The following RB1 variants were observed in gnomAD, a reference collection of about 807,000 sequenced individuals.
RB1 encodes retinoblastoma-associated protein.
A neutral mutation model predicts 135.4 loss-of-function variants in RB1; 18 were observed. The observed-to-expected ratio is 0.13, with a 90% CI of 0.09 to 0.20. The LOEUF (loss-of-function observed/expected upper bound fraction) is 0.20, where lower values mean the gene tolerates loss of function less well. RB1 is among the 10% of genes least tolerant of loss of function. The probability of loss-of-function intolerance (pLI) is 1.00; values close to 1 mark genes in which losing one functional copy is unlikely to be tolerated. For synonymous variants in RB1, 365 were observed against 373.2 expected (o/e 0.98, Z 0.25); for missense variants, 868 against 1,110.0 (o/e 0.78, Z 3.10).
chr13:48,391,774 A>G (rs1467410691), intron 17 of RB1, among the ~76,000 whole-genome samples: 2 of 152,024 alleles, frequency 1.3e-5, no homozygotes, highest in Non-Finnish European at 2.9e-5. Flanking sequence ...ACACGCCACC[A>G]TGCCTAGCTA....
chr13:48,432,427 G>C (rs1163990902), intron 17 of RB1, among the ~76,000 whole-genome samples: 5 of 136,684 alleles, frequency 3.7e-5, no homozygotes, highest in Admixed American at 7.2e-5. Context: ...TTGTTTTTTT[G>C]TTTTTTTTTT....
intron 20 of RB1, among the ~76,000 whole-genome samples, chr13:48,460,358 C>T (rs1216994724): frequency 6.6e-6 from 1 of 152,052 alleles, no homozygotes; most frequent in Non-Finnish European, 1.5e-5. Flanking sequence ...TTTTTGGCTA[C>T]CATTTACATT....
At chr13:48,423,585 G>C (rs771888395) in intron 17 of RB1, among the ~76,000 whole-genome samples, 1 of 152,100 alleles carries the variant, frequency 6.6e-6, no homozygotes, top group Non-Finnish European at 1.5e-5. Flanking sequence ...ATTGATCAAA[G>C]AGGAATCGAT....
At chr13:48,351,424 G>C (rs1186331376) in intron 6 of RB1, among the ~76,000 whole-genome samples, 1 of 151,842 alleles carries the variant, frequency 6.6e-6, no homozygotes, top group Admixed American at 6.6e-5. Context: ...CCACTTTTTA[G>C]TGGGGTTGGT....
intron 17 of RB1, among the ~76,000 whole-genome samples, chr13:48,423,298 G>C (rs1405128358): frequency 6.6e-6 from 1 of 151,988 alleles, no homozygotes; most frequent in Non-Finnish European, 1.5e-5. Context: ...TTTTTGAGAC[G>C]GAGTCTTGCT....
intron 2 of RB1, chr13:48,317,815 T>A: frequency 2.8e-6 from 1 of 363,336 alleles, no homozygotes; most frequent in Non-Finnish European, 5.2e-6. Context: ...CCTGGCCCAC[T>A]GACTCCGCGT....
At chr13:48,381,665 G>C (rs1253662506) in intron 17 of RB1, among the ~76,000 whole-genome samples, 1 of 152,052 alleles carries the variant, frequency 6.6e-6, no homozygotes, top group Non-Finnish European at 1.5e-5. Flanking sequence ...TTTAAGAATA[G>C]CTTTTCTTAA....
In RB1 at chr13:48,368,557, T is replaced by A. The variant is rs1198811715; in HGVS notation, c.1080T>A (p.Ser360Arg). ...AAACACAGAGAACACCACGAAAAAG[T>A]AACCTTGATGAAGAGGTGAATGTAA... Reference protein sequence around the residue: ...SFETQRTPRKSNLDEEVNVIP... With the variant: ...SFETQRTPRKRNLDEEVNVIP... Residue 360 changes from serine to arginine, a missense_variant, in exon 11 of 27, where the codon AGT becomes AGA. Around this residue, in one of 3 missense-constraint regions of RB1, gnomAD observed 641 missense variants for 791.3 expected, o/e 0.81. Coordinates refer to ENST00000267163, the MANE Select transcript of RB1 (RefSeq NM_000321.3). The A allele has an allele frequency of 6.2e-7, 1 of 1,613,476 alleles. No individual in the cohort carries two copies. The highest frequency in any genetic ancestry group is 8.5e-7 in the Non-Finnish European group (1 of 1,179,758).
chr13:48,366,250 A>G (rs559141559), intron 9 of RB1, among the ~76,000 whole-genome samples: 1 of 152,270 alleles, frequency 6.6e-6, no homozygotes, highest in South Asian at 2.1e-4. Flanking sequence ...TTCTCCTTTA[A>G]AAGGATTATA....
In RB1 at chr13:48,317,206, G is replaced by A. The variant is rs975345124; in HGVS notation, c.264+9800G>A. 82 of 473,774 alleles carry A rather than the reference G, an allele frequency of 1.7e-4. 1 individual carries two copies. The highest frequency in any genetic ancestry group is 2.8e-4 in the Non-Finnish European group (79 of 286,176). 29.3% of individuals were successfully genotyped at this position (473,774 alleles called of 1,614,324 possible). A position where few individuals can be genotyped will look rare whatever the true frequency, so the allele number is the denominator to read the frequency against. On this transcript the variant is annotated intron_variant, in intron 2 of 26. Transcript: ENST00000267163. ...AGCCCCATGTCGGGCTGAAGAGGCT[G>A]GCCTGCCTGCCCCCCTGGGAGACAC...
At chr13:48,309,364 G>T (rs1566175933) in intron 2 of RB1, among the ~76,000 whole-genome samples, 1 of 152,108 alleles carries the variant, frequency 6.6e-6, no homozygotes, top group African/African-American at 2.4e-5. Flanking sequence ...TAAGAAAATT[G>T]TTTAAAACCA....
At chr13:48,367,799 T>C (rs1175672175) in intron 10 of RB1, among the ~76,000 whole-genome samples, 196 bp downstream of exon 10, 1 of 152,200 alleles carries the variant, frequency 6.6e-6, no homozygotes, top group Non-Finnish European at 1.5e-5. Flanking sequence ...TAATGTGAAT[T>C]GTGTGTCCTA....
intron 17 of RB1, chr13:48,404,175 A>T (rs1357838881): frequency 6.6e-6 from 1 of 152,168 alleles, no homozygotes; most frequent in African/African-American, 2.4e-5. Flanking sequence ...TTTTGTGTAC[A>T]CTTACAGACA....
intron 11 of RB1, among the ~76,000 whole-genome samples, chr13:48,368,930 C>T (rs1184306777): frequency 6.6e-6 from 1 of 151,922 alleles, no homozygotes; most frequent in African/African-American, 2.4e-5. Flanking sequence ...TGCTTGAACC[C>T]GGGAGGCGGA....
At chr13:48,411,646 ATGTT>A (rs1178908890) in intron 17 of RB1, 1 of 1,611,650 alleles carries the variant, frequency 6.2e-7, no homozygotes, top group Non-Finnish European at 8.5e-7. Context: ...CAATTAACAA[ATGTT>A]TGTGTTCTCA....
intron 17 of RB1, among the ~76,000 whole-genome samples, chr13:48,436,783 T>TACAG (rs1225864615): frequency 1.3e-5 from 2 of 152,220 alleles, no homozygotes; most frequent in African/African-American, 4.8e-5. Context: ...TTCTTCTATT[T>TACAG]TCTATTCTAG....
chr13:48,348,961 C>A lies in RB1; in HGVS notation c.545C>A (p.Ser182Tyr). 1 of 1,598,576 alleles carries A rather than the reference C, an allele frequency of 6.3e-7. No individual in the cohort carries two copies. Among genetic ancestry groups the A allele is most frequent in the Non-Finnish European group, 8.5e-7 (1 of 1,171,310 alleles). ...IYLTQPSSSI[S>Y]TEINSALVLK... The stretch of plus-strand genomic sequence containing the variant: ...GCTTTCTATTTGTTTAATAGGATAT[C>A]TACTGAAATAAATTCTGCATTGGTG... Residue 182 changes from serine to tyrosine, a missense_variant, in exon 6 of 27, where the codon TCT becomes TAT. Coordinates refer to ENST00000267163, the MANE Select transcript of RB1 (RefSeq NM_000321.3).
At chr13:48,375,195 A>G (rs1024544408) in intron 12 of RB1, among the ~76,000 whole-genome samples, 2 of 152,138 alleles carry the variant, frequency 1.3e-5, no homozygotes, top group African/African-American at 4.8e-5. Context: ...TGTGAAAGAC[A>G]TTTTCTAGAG....
chr13:48,392,954 A>G (rs1206452152), intron 17 of RB1, among the ~76,000 whole-genome samples: 1 of 152,074 alleles, frequency 6.6e-6, no homozygotes, highest in Non-Finnish European at 1.5e-5. Flanking sequence ...GGCTTCATTT[A>G]TTTATTTATC....
Sources: gnomAD v4.1 joint callset for allele counts (sites outside exome capture counted in the v4.1 genomes callset) on GRCh38, gnomAD v4.1.1 for gene constraint, gnomAD v4.1.1 regional missense constraint, MANE v1.5 for transcripts, NCBI Gene and HGNC (gene_info 2026-07-23, HGNC 2026-07-21) for gene names.